The following TSGA10 variants were observed in gnomAD, a reference collection of about 807,000 sequenced individuals.
TSGA10 encodes the protein testis specific 10, also known as testis-specific gene 10 protein.
TSGA10 carries 43 observed loss-of-function variants against 96.6 expected under a neutral mutation model. The ratio of observed to expected loss-of-function variants is 0.44; its 90% confidence interval spans 0.35 to 0.57. TSGA10 has a LOEUF of 0.57. Among genes scored for constraint, TSGA10 ranks in the 20% least tolerant of loss-of-function variants. TSGA10 has a pLI of 0.01. For missense variants in TSGA10, 703 were observed against 834.4 expected (o/e 0.84, Z 1.94); for synonymous variants, 229 against 269.9 (o/e 0.85, Z 1.48).
intron 17 of TSGA10, among the ~76,000 whole-genome samples, chr2:99,034,928 T>C (rs2081488984): frequency 6.6e-6 from 1 of 152,166 alleles, no homozygotes; most frequent in African/African-American, 2.4e-5. Flanking sequence ...TCATTAAAGT[T>C]ACAATTTAGC....
intron 20 of TSGA10, among the ~76,000 whole-genome samples, chr2:98,999,971 G>C (rs542642591): frequency 1.4e-4 from 21 of 152,290 alleles, no homozygotes; most frequent in African/African-American, 4.8e-4. Context: ...GCCCAGGCTG[G>C]TCTGTAACTC....
At chr2:99,088,520 T>C (rs1387046398) in intron 10 of TSGA10, among the ~76,000 whole-genome samples, 1 of 152,196 alleles carries the variant, frequency 6.6e-6, no homozygotes, top group Non-Finnish European at 1.5e-5. Context: ...ATAGGTATCT[T>C]AGCAAATTAG....
chr2:99,146,441 G>T (rs1156995729), intron 1 of TSGA10, among the ~76,000 whole-genome samples: 1 of 151,706 alleles, frequency 6.6e-6, no homozygotes, highest in East Asian at 1.9e-4. Flanking sequence ...CTATCTTTTT[G>T]TTTATATTTT....
intron 17 of TSGA10, among the ~76,000 whole-genome samples, chr2:99,032,462 C>G (rs76816684): frequency 0.054 from 8,238 of 152,122 alleles, 420 homozygotes; most frequent in East Asian, 0.21. Flanking sequence ...ATGTAGTGAC[C>G]GGCTATCCAG....
intron 16 of TSGA10, among the ~76,000 whole-genome samples, chr2:99,060,808 T>C (rs879642804): frequency 6.6e-6 from 1 of 152,100 alleles, no homozygotes; most frequent in Non-Finnish European, 1.5e-5. Flanking sequence ...TGTGAAAAAT[T>C]TGTAGATAAT....
intron 16 of TSGA10, among the ~76,000 whole-genome samples, chr2:99,045,494 G>C (rs28786970): frequency 0.023 from 3,447 of 152,222 alleles, 134 homozygotes; most frequent in African/African-American, 0.078. Flanking sequence ...AGCTTCAAAA[G>C]TGAAGGAGAA....
At chr2:99,091,306 A>G (rs184286220) in intron 10 of TSGA10, among the ~76,000 whole-genome samples, 1 of 152,248 alleles carries the variant, frequency 6.6e-6, no homozygotes, top group East Asian at 1.9e-4. Flanking sequence ...ATATACATCA[A>G]ACAGAACCTC....
At chr2:99,150,711 C>T in intron 1 of TSGA10, 2 of 1,613,908 alleles carry the variant, frequency 1.2e-6, no homozygotes, top group Non-Finnish European at 1.7e-6. Flanking sequence ...GATTAGAAGA[C>T]ACAAATCAAG....
intron 14 of TSGA10, among the ~76,000 whole-genome samples, chr2:99,070,937 A>AT (rs1195317796): frequency 6.6e-6 from 1 of 152,100 alleles, no homozygotes; most frequent in Non-Finnish European, 1.5e-5. Context: ...TTTTTACATA[A>AT]TGTCCTTTTT....
chr2:99,117,871 T>A, intron 3 of TSGA10, 112 bp from the exon 4 acceptor site: 2 of 345,468 alleles, frequency 5.8e-6, no homozygotes, highest in Non-Finnish European at 8.2e-6. Flanking sequence ...CAAAGAAACT[T>A]AACTCTATAC....
intron 1 of TSGA10, among the ~76,000 whole-genome samples, chr2:99,134,398 C>A (rs191841605): frequency 6.6e-6 from 1 of 152,072 alleles, no homozygotes; most frequent in East Asian, 1.9e-4. Flanking sequence ...TATGCTTCAC[C>A]AAGTTCTCAC....
intron 6 of TSGA10, 100 bp from the exon 7 acceptor site, chr2:99,109,091 C>A (rs571313340): frequency 8.8e-4 from 817 of 927,830 alleles, no homozygotes; most frequent in Admixed American, 3.0e-3. Context: ...GAAAATAAGA[C>A]TATATAATGA....
chr2:99,127,140 G>C lies in TSGA10; in HGVS notation c.-584C>G, dbSNP rs569794403. On this transcript the variant is annotated 5_prime_UTR_variant, in exon 2 of 21. Transcript: ENST00000393483. The stretch of plus-strand genomic sequence containing the variant: ...TGGTAGTTTTCAGCTTCAGAAACTG[G>C]AGCCCCTAGACCAAAATCATATTCT... 1.6e-6 allele frequency: 2 copies of C among 1,289,250 alleles called. No individual in the cohort carries two copies. The highest frequency in any genetic ancestry group is 2.0e-6 in the Non-Finnish European group (2 of 988,668). The allele number at this position is 1,289,250 out of a possible 1,614,324, so 79.9% of individuals were successfully genotyped here. A position where few individuals can be genotyped will look rare whatever the true frequency, so the allele number is the denominator to read the frequency against.
chr2:99,099,850 AG>A (rs1349382652), intron 10 of TSGA10, among the ~76,000 whole-genome samples: 1 of 152,202 alleles, frequency 6.6e-6, no homozygotes, highest in Non-Finnish European at 1.5e-5. Flanking sequence ...ATTAATGAAA[AG>A]TTAGCAGGAC....
chr2:99,091,268 G>A (rs778743505), intron 10 of TSGA10, among the ~76,000 whole-genome samples: 33 of 152,202 alleles, frequency 2.2e-4, no homozygotes, highest in Non-Finnish European at 4.0e-4. Context: ...ACTGCAAAAC[G>A]AGCTCTAAAT....
intron 10 of TSGA10, 25 bp downstream of exon 10, chr2:99,103,942 G>A (rs1211368170): frequency 6.2e-7 from 1 of 1,610,542 alleles, no homozygotes; most frequent in East Asian, 2.2e-5. Flanking sequence ...TAAACTGTTG[G>A]TTGTTTAAAG....
intron 1 of TSGA10, among the ~76,000 whole-genome samples, chr2:99,147,853 A>T (rs371185052): frequency 1.1e-3 from 164 of 152,140 alleles, no homozygotes; most frequent in African/African-American, 3.8e-3. Context: ...ACAATTCTTC[A>T]CCCCTAACTA....
At position 99,136,571 on chromosome 2, in the gene TSGA10, G is replaced by C. The variant is rs1184057023; in HGVS notation, c.-620-9395C>G. Among the ~76,000 whole-genome samples the C allele has an allele frequency of 2.5e-4, 7 of 27,548 alleles. 3 individuals carry two copies. Among genetic ancestry groups the C allele is most frequent in the African/African-American group, 5.3e-4 (7 of 13,312 alleles). The allele number at this position is 27,548 out of a possible 152,430, so 18.1% of individuals were successfully genotyped here. On this transcript the variant is annotated intron_variant, in intron 1 of 20. Coordinates refer to ENST00000393483, the MANE Select transcript of TSGA10 (RefSeq NM_025244.4). ...CCAGCACTTTGGGAGGCCGAGGCGG[G>C]CGGATCACGAGGTCAGGAGATCGAG...
intron 16 of TSGA10, among the ~76,000 whole-genome samples, chr2:99,048,884 G>C (rs181457746): frequency 1.0e-3 from 158 of 151,384 alleles, no homozygotes; most frequent in African/African-American, 3.6e-3. Context: ...AAATTTAGAA[G>C]AAAAAAAACA....
Sources: allele counts gnomAD v4.1 joint callset (sites outside exome capture counted in the v4.1 genomes callset), GRCh38; gene constraint gnomAD v4.1.1; transcripts MANE v1.5; gene names NCBI Gene and HGNC (gene_info 2026-07-23, HGNC 2026-07-21).